The following RYR2 variants were observed in gnomAD, a reference collection of about 807,000 sequenced individuals.
RYR2 encodes ryanodine receptor 2.
RYR2 carries 227 observed loss-of-function variants against 601.1 expected under a neutral mutation model. The observed-to-expected ratio is 0.38, with a 90% confidence interval of 0.34 to 0.42. The LOEUF is 0.42. Among genes scored for constraint, RYR2 ranks in the 10% least tolerant of loss-of-function variants. RYR2 has a pLI of 1.00. For missense variants in RYR2, 4,646 were observed against 6,156.5 expected, an observed-to-expected ratio of 0.75 and a Z score of 8.21; for synonymous variants, 2,223 against 2,175.1, an observed-to-expected ratio of 1.02 and a Z score of -0.61.
chr1:237,822,529 G>T (rs756656149), intron 101 of RYR2, among the ~76,000 whole-genome samples: 1 of 152,088 alleles, frequency 6.6e-6, no homozygotes, highest in Non-Finnish European at 1.5e-5. Flanking sequence ...CCTGAAGGAA[G>T]CATTAAACAT....
intron 35 of RYR2, among the ~76,000 whole-genome samples, chr1:237,605,733 A>G (rs1471263200): frequency 6.6e-6 from 1 of 152,058 alleles, no homozygotes; most frequent in Non-Finnish European, 1.5e-5. Flanking sequence ...AGGATACAAA[A>G]TCAATGTGCA....
intron 61 of RYR2, 39 bp from the exon 62 acceptor site, chr1:237,680,416 AT>A (rs1558206185): frequency 6.3e-7 from 1 of 1,585,916 alleles, no homozygotes. Flanking sequence ...CCCCTGAAAG[AT>A]TCCACTACGT....
chr1:237,675,155 G>A (rs768291419), intron 60 of RYR2, among the ~76,000 whole-genome samples: 3 of 152,056 alleles, frequency 2.0e-5, no homozygotes, highest in South Asian at 2.1e-4. Flanking sequence ...GTTAAATCTC[G>A]CCTATGAAAT....
intron 1 of RYR2, among the ~76,000 whole-genome samples, chr1:237,053,630 G>A (rs992395834): frequency 2.6e-5 from 4 of 152,198 alleles, no homozygotes; most frequent in African/African-American, 7.2e-5. Flanking sequence ...TGAAATGTTC[G>A]TGGACTGCCT....
intron 89 of RYR2, 96 bp downstream of exon 89, chr1:237,781,742 C>A: frequency 1.8e-6 from 1 of 561,618 alleles, no homozygotes; most frequent in Non-Finnish European, 3.1e-6. Flanking sequence ...AATAAAATAG[C>A]ACTCAGATAT....
intron 29 of RYR2, among the ~76,000 whole-genome samples, chr1:237,579,944 T>C (rs1396248153): frequency 1.3e-5 from 2 of 152,080 alleles, no homozygotes; most frequent in African/African-American, 4.8e-5. Context: ...CAAAGGAATG[T>C]CAGTGAAGAA....
chr1:237,445,289 G>T, intron 13 of RYR2, 112 bp from the exon 14 acceptor site: 1 of 1,348,318 alleles, frequency 7.4e-7, no homozygotes, highest in Non-Finnish European at 1.0e-6. Context: ...CCCTGTACCT[G>T]CCTTTTGATT....
chr1:237,541,864 G>A (rs1669307117), intron 25 of RYR2, among the ~76,000 whole-genome samples: 2 of 152,000 alleles, frequency 1.3e-5, no homozygotes. Context: ...TTAAGACAAG[G>A]ACCGGCCATT....
intron 47 of RYR2, among the ~76,000 whole-genome samples, chr1:237,641,525 C>CTTTT (rs566056693): frequency 2.0e-5 from 2 of 99,110 alleles, no homozygotes; most frequent in African/African-American, 3.7e-5. Context: ...TTCTTTCTTT[C>CTTTT]TTTTTCTTTC....
At chr1:237,647,015 G>A (rs559985629) in intron 48 of RYR2, among the ~76,000 whole-genome samples, 3 of 152,284 alleles carry the variant, frequency 2.0e-5, no homozygotes, top group Admixed American at 1.3e-4. Flanking sequence ...GAGCAGGATC[G>A]GTGAGCTTCT....
intron 1 of RYR2, among the ~76,000 whole-genome samples, chr1:237,073,241 G>T (rs767720387): frequency 6.6e-6 from 1 of 152,166 alleles, no homozygotes; most frequent in Non-Finnish European, 1.5e-5. Flanking sequence ...ACAGATAGGG[G>T]CCCTGCTTTG....
intron 28 of RYR2, 60 bp from the exon 29 acceptor site, chr1:237,569,085 G>T (rs1285327971): frequency 3.3e-6 from 5 of 1,504,536 alleles, no homozygotes; most frequent in Non-Finnish European, 4.5e-6. Context: ...ACAGAGTGGT[G>T]GGTGGGTGCG....
Position 237,491,894 on chromosome 1 carries a change from A to G in RYR2, c.1797A>G (p.Ser599=). The part of the protein sequence containing the change: ...IKEGHIKSII[S]LLDKHGRNHK... ...AAGGACATATTAAATCTATTATCTC[A>G]CTTTTAGACAAACATGGAAGAAATC... Residue 599 remains serine, a synonymous_variant, in exon 18 of 105, where the codon TCA becomes TCG. Coordinates refer to ENST00000366574, the MANE Select transcript of RYR2 (RefSeq NM_001035.3). 1 of 1,377,814 alleles carries G rather than the reference A, an allele frequency of 7.3e-7. No individual in the cohort carries two copies. The highest frequency in any genetic ancestry group is 1.0e-6 in the Non-Finnish European group (1 of 991,374). The allele number at this position is 1,377,814 out of a possible 1,614,324, so 85.3% of individuals were successfully genotyped here.
At chr1:237,618,885 T>TA (rs2148622205) in intron 38 of RYR2, among the ~76,000 whole-genome samples, 1 of 152,264 alleles carries the variant, frequency 6.6e-6, no homozygotes. Flanking sequence ...AAGACACTCT[T>TA]ACCTTTCTAG....
At chr1:237,631,575 A>G (rs771134890) in intron 42 of RYR2, 34 bp downstream of exon 42, 2 of 1,022,314 alleles carry the variant, frequency 2.0e-6, no homozygotes, top group Non-Finnish European at 2.9e-6. Flanking sequence ...GCTATTTAGT[A>G]TCATCTCCTG....
intron 1 of RYR2, chr1:237,120,732 T>C (rs991483597): frequency 2.0e-5 from 3 of 152,232 alleles, no homozygotes; most frequent in African/African-American, 7.2e-5. Context: ...TGGTGGCGGT[T>C]TTCCCCTGAC....
intron 12 of RYR2, among the ~76,000 whole-genome samples, chr1:237,439,881 A>G (rs1275072071): frequency 1.3e-5 from 2 of 152,172 alleles, no homozygotes; most frequent in Non-Finnish European, 2.9e-5. Context: ...AGAGATAATT[A>G]CAGTGTTCTA....
rs758096967 is a variant in RYR2 at position 237,783,647 on chromosome 1, T to TAAAC, written c.11963-24_11963-21dup. 28 of 1,449,606 alleles carry TAAAC rather than the reference T, an allele frequency of 1.9e-5. 1 individual carries two copies. The South Asian group carries it at 3.3e-4, about 17-fold the overall frequency. 89.8% of individuals were successfully genotyped at this position (1,449,606 alleles called of 1,614,324 possible). ...GATCACTGATTTTGTTAGTTTATTT[T>TAAAC]AAACAAATGCAACTGCTTTACCACC... is the stretch of plus-strand genomic sequence containing the variant. On this transcript the variant is annotated intron_variant, in intron 89 of 104. Coordinates refer to ENST00000366574, the MANE Select transcript of RYR2 (RefSeq NM_001035.3).
chr1:237,271,352 T>C (rs1689668270), intron 2 of RYR2, among the ~76,000 whole-genome samples: 1 of 152,218 alleles, frequency 6.6e-6, no homozygotes, highest in Non-Finnish European at 1.5e-5. Flanking sequence ...TAAAAGAGAA[T>C]GGTTCATAAT....
Sources: gnomAD v4.1 joint callset for allele counts (sites outside exome capture counted in the v4.1 genomes callset) on GRCh38, gnomAD v4.1.1 for gene constraint, MANE v1.5 for transcripts, NCBI Gene and HGNC (gene_info 2026-07-23, HGNC 2026-07-21) for gene names.